Variants in WDR64 observed in about 807,000 individuals in gnomAD.
WDR64 encodes the protein WD repeat-containing protein 64.
In WDR64, 112 loss-of-function variants were observed where a neutral mutation model predicts 139.3. The ratio of observed to expected loss-of-function variants is 0.80; its 90% CI spans 0.69 to 0.94. The LOEUF (loss-of-function observed/expected upper bound fraction) is 0.94, where lower values mean the gene tolerates loss of function less well. Among genes scored for constraint, WDR64 ranks in the 40% least tolerant of loss-of-function variants. The pLI, the probability that WDR64 is intolerant of heterozygous loss-of-function variation, is 0.00. For synonymous variants in WDR64, 444 were observed against 437.7 expected, an observed-to-expected ratio of 1.01 and a Z score of -0.18; for missense variants, 1,206 against 1,293.1, an observed-to-expected ratio of 0.93 and a Z score of 1.03.
chr1:241,797,449 T>C (rs1659399559), intron 27 of WDR64, among the ~76,000 whole-genome samples: 1 of 152,224 alleles, frequency 6.6e-6, no homozygotes, highest in Non-Finnish European at 1.5e-5. Flanking sequence ...TAGCACATGG[T>C]AATTTTTTAT....
rs774936347 is a variant in WDR64 at position 241,723,272 on chromosome 1, A to G, written c.1055-25A>G. On this transcript the variant is annotated intron_variant, in intron 9 of 27. Coordinates refer to ENST00000437684, the MANE Select transcript of WDR64 (RefSeq NM_001367482.1). ...ACTCTGACCACCTCAGAAAACCAAC[A>G]ATCTTTCCCTGTCCTCCTTTTCAGG... The G allele has an allele frequency of 2.5e-6, 4 of 1,612,408 alleles. No homozygotes were observed. The East Asian group carries it at 8.9e-5, about 36-fold the overall frequency.
At chr1:241,784,976 A>AGAAAAAAAAAAAAAAAAAG (rs1658987744) in intron 23 of WDR64, among the ~76,000 whole-genome samples, 1 of 98,410 alleles carries the variant, frequency 1.0e-5, no homozygotes, top group Non-Finnish European at 2.1e-5. Context: ...AAAAAAAAAA[A>AGAAAAAAAAAAAAAAAAAG]GAAAGGACAT....
intron 12 of WDR64, 103 bp downstream of exon 12, chr1:241,741,767 T>A: frequency 8.4e-7 from 1 of 1,194,116 alleles, no homozygotes; most frequent in South Asian, 1.7e-5. Flanking sequence ...TAGCGGCACA[T>A]ACGATGAGAC....
intron 24 of WDR64, 136 bp from the exon 25 acceptor site, chr1:241,790,455 A>C: frequency 1.5e-6 from 1 of 666,316 alleles, no homozygotes; most frequent in Non-Finnish European, 2.6e-6. Flanking sequence ...AGTTGAGTGT[A>C]GAGATACTGT....
At chr1:241,791,541 G>A (rs1659215233) in intron 25 of WDR64, among the ~76,000 whole-genome samples, 1 of 152,020 alleles carries the variant, frequency 6.6e-6, no homozygotes, top group Non-Finnish European at 1.5e-5. Flanking sequence ...CATGGTGACA[G>A]TCCACCTGTC....
chr1:241,794,975 A>C (rs1659319535), intron 25 of WDR64, among the ~76,000 whole-genome samples: 1 of 152,064 alleles, frequency 6.6e-6, no homozygotes. Flanking sequence ...CTCTTCTGTT[A>C]ATTTCTTTTT....
At chr1:241,708,451 T>C (rs1474210376) in intron 8 of WDR64, among the ~76,000 whole-genome samples, 1 of 152,162 alleles carries the variant, frequency 6.6e-6, no homozygotes, top group East Asian at 1.9e-4. Flanking sequence ...GTAGCTGGGA[T>C]GACACGCATA....
intron 22 of WDR64, among the ~76,000 whole-genome samples, chr1:241,782,038 G>A (rs1658863533): frequency 6.6e-6 from 1 of 152,208 alleles, no homozygotes; most frequent in Non-Finnish European, 1.5e-5. Flanking sequence ...TGTAATCCCA[G>A]CACTTTGGGA....
chr1:241,769,683 TC>T (rs1658345865), intron 17 of WDR64, among the ~76,000 whole-genome samples, 178 bp downstream of exon 17: 1 of 152,250 alleles, frequency 6.6e-6, no homozygotes, highest in Non-Finnish European at 1.5e-5. Flanking sequence ...ACACGTGGCT[TC>T]CGCTTTCTTC....
intron 9 of WDR64, among the ~76,000 whole-genome samples, chr1:241,714,159 G>C (rs991515571): frequency 6.6e-6 from 1 of 152,152 alleles, no homozygotes; most frequent in African/African-American, 2.4e-5. Context: ...AGGAGGCCAG[G>C]GTGGCCTTGT....
chr1:241,652,481 C>G lies in WDR64; in HGVS notation c.-4C>G, dbSNP rs1053520336. ...TACAGAAGTAAAAGATCCCCTATGT[C>G]CCTATGGATATCAGGAAGGAAAAGC... On this transcript the variant is annotated 5_prime_UTR_variant, in exon 1 of 28. Coordinates refer to ENST00000437684, the MANE Select transcript of WDR64 (RefSeq NM_001367482.1). 9 of 1,551,992 alleles carry G rather than the reference C, an allele frequency of 5.8e-6. No individual in the cohort carries two copies. The South Asian group carries it at 9.5e-5, about 16-fold the overall frequency.
At chr1:241,698,829 C>T (rs991128197) in intron 8 of WDR64, among the ~76,000 whole-genome samples, 2 of 152,220 alleles carry the variant, frequency 1.3e-5, no homozygotes, top group African/African-American at 4.8e-5. Flanking sequence ...TCCATTCTCC[C>T]GCTGCTACAA....
At chr1:241,757,249 A>T (rs1376782813) in intron 14 of WDR64, 34 bp from the exon 15 acceptor site, 1 of 1,578,986 alleles carries the variant, frequency 6.3e-7, no homozygotes, top group Admixed American at 1.8e-5. Flanking sequence ...AAAATAATTG[A>T]ACTTTTCATG....
At position 241,749,716 on chromosome 1, in the gene WDR64, G is replaced by A. The variant is rs757736913; in HGVS notation, c.1764G>A (p.Met588Ile). The A allele has an allele frequency of 6.2e-7, 1 of 1,613,832 alleles. No homozygotes were observed. The highest frequency in any genetic ancestry group is 8.5e-7 in the Non-Finnish European group (1 of 1,179,882). The change falls in exon 14 of 28, where the codon ATG (methionine) becomes ATA (isoleucine). Residue 588 changes from methionine to isoleucine, a missense_variant. Physicochemically the swap from Met to Ile is conservative, Grantham distance 10. Coordinates refer to ENST00000437684, the MANE Select transcript of WDR64 (RefSeq NM_001367482.1). ...TGGAGCGCAACGGGACTATCAAAAT[G>A]ATCCAGGTTTACAATCCCACTTCAT... ...LALERNGTIK[M>I]IQGKEDDIYL... is the part of the protein sequence containing the mutation.
Position 241,742,996 on chromosome 1 carries a change from G to C in WDR64, c.1470+1332G>C, listed in dbSNP as rs150733318. On this transcript the variant is annotated intron_variant, in intron 12 of 27. Coordinates refer to ENST00000437684, the MANE Select transcript of WDR64 (RefSeq NM_001367482.1). ...GACTAGCAGACAGCATTCCTCTGGG[G>C]ACCCTTCAAATTACCTCTCAGTCTC... Among the ~76,000 whole-genome samples the C allele has an allele frequency of 4.6e-5, 7 of 152,302 alleles. No individual in the cohort carries two copies. In the East Asian group the frequency reaches 1.3e-3, roughly 29 times the overall value.
chr1:241,654,661 T>C (rs1406687453), intron 1 of WDR64, among the ~76,000 whole-genome samples: 3 of 150,998 alleles, frequency 2.0e-5, no homozygotes, highest in Non-Finnish European at 4.4e-5. Context: ...AAGCCAGATA[T>C]CTTGGTATAG....
intron 9 of WDR64, among the ~76,000 whole-genome samples, chr1:241,717,674 T>C (rs1668456860): frequency 6.6e-6 from 1 of 152,132 alleles, no homozygotes; most frequent in Non-Finnish European, 1.5e-5. Flanking sequence ...GAATTAACTC[T>C]TTATGAGCCA....
At position 241,764,474 on chromosome 1, in the gene WDR64, C is replaced by A. The variant is rs573548098; in HGVS notation, c.1948-1744C>A. On this transcript the variant is annotated intron_variant, in intron 15 of 27. Coordinates refer to ENST00000437684, the MANE Select transcript of WDR64 (RefSeq NM_001367482.1). The stretch of plus-strand genomic sequence containing the variant: ...TCGAGGCCAGCCTGGGCAACATAGG[C>A]CCCATCTCTACAAAAAAATTTTTAA... 7.2e-5 allele frequency among the ~76,000 whole-genome samples: 11 copies of A among 151,952 alleles called. No individual in the cohort carries two copies. The South Asian group carries it at 2.3e-3, about 32-fold the overall frequency.
At chr1:241,682,069 CTG>C (rs1324890220) in intron 6 of WDR64, among the ~76,000 whole-genome samples, 1 of 152,160 alleles carries the variant, frequency 6.6e-6, no homozygotes, top group East Asian at 1.9e-4. Flanking sequence ...TTCTCCCACT[CTG>C]TGGGTTGTCT....
Sources: gnomAD v4.1 joint callset for allele counts (sites outside exome capture counted in the v4.1 genomes callset) on GRCh38, gnomAD v4.1.1 for gene constraint, MANE v1.5 for transcripts, NCBI Gene and HGNC (gene_info 2026-07-23, HGNC 2026-07-21) for gene names.